TEX36: variants seen among roughly 807,000 people sequenced by gnomAD.
TEX36 encodes testis expressed 36, also known as testis-expressed protein 36.
TEX36 carries 12 observed loss-of-function variants against 13.6 expected under a neutral mutation model. The ratio of observed to expected loss-of-function variants is 0.88; its 90% CI spans 0.56 to 1.43. TEX36 has a LOEUF of 1.43. Among genes scored for constraint, TEX36 ranks in the 40% most tolerant of loss-of-function variants. The pLI is 0.00. For synonymous variants in TEX36, 93 were observed against 83.0 expected, an observed-to-expected ratio of 1.12 and a Z score of -0.65; for missense variants, 224 against 228.3, an observed-to-expected ratio of 0.98 and a Z score of 0.12.
At chr10:125,622,502 C>T (rs1846438515) in intron 3 of TEX36, among the ~76,000 whole-genome samples, 1 of 152,228 alleles carries the variant, frequency 6.6e-6, no homozygotes, top group African/African-American at 2.4e-5. Context: ...CCTTTGCCTT[C>T]AGCAAGTACC....
intron 1 of TEX36, among the ~76,000 whole-genome samples, chr10:125,682,704 G>A (rs1589794886): frequency 6.6e-6 from 1 of 152,190 alleles, no homozygotes; most frequent in African/African-American, 2.4e-5. Context: ...ACTGCTTAGT[G>A]GACATTCACG....
At chr10:125,606,544 C>T (rs957251566) in intron 3 of TEX36, among the ~76,000 whole-genome samples, 1 of 152,130 alleles carries the variant, frequency 6.6e-6, no homozygotes, top group Non-Finnish European at 1.5e-5. Context: ...ACAATATTAG[C>T]TGCTCTACCC....
At chr10:125,604,865 T>C (rs1051860762) in intron 3 of TEX36, among the ~76,000 whole-genome samples, 6 of 151,526 alleles carry the variant, frequency 4.0e-5, no homozygotes, top group Non-Finnish European at 7.4e-5. Context: ...CTGTCTCCTA[T>C]TACCCCCAGA....
chr10:125,603,396 T>C (rs939643748), intron 3 of TEX36, among the ~76,000 whole-genome samples: 7 of 152,082 alleles, frequency 4.6e-5, no homozygotes, highest in African/African-American at 1.4e-4. Flanking sequence ...TCTGCACCTC[T>C]TAGTGGTCCC....
At chr10:125,587,341 GT>G (rs1459502825) in intron 3 of TEX36, among the ~76,000 whole-genome samples, 1 of 152,062 alleles carries the variant, frequency 6.6e-6, no homozygotes, top group Non-Finnish European at 1.5e-5. Flanking sequence ...AGCGTTTTAT[GT>G]TTTGTATTAT....
At chr10:125,680,574 G>A (rs1417258345) in intron 1 of TEX36, among the ~76,000 whole-genome samples, 1 of 152,076 alleles carries the variant, frequency 6.6e-6, no homozygotes, top group Non-Finnish European at 1.5e-5. Flanking sequence ...TTTCCTACCT[G>A]GCAATAGCTA....
intron 3 of TEX36, among the ~76,000 whole-genome samples, chr10:125,610,771 T>C (rs1252228294): frequency 6.6e-6 from 1 of 152,242 alleles, no homozygotes; most frequent in Non-Finnish European, 1.5e-5. Flanking sequence ...TATGATGCTA[T>C]ATTTTCTTCT....
At chr10:125,633,833 C>A (rs1026087234) in intron 3 of TEX36, among the ~76,000 whole-genome samples, 1 of 152,146 alleles carries the variant, frequency 6.6e-6, no homozygotes, top group Admixed American at 6.6e-5. Context: ...TAAATGGACA[C>A]GGTTCTACGT....
At chr10:125,582,825 A>G (rs923750340) in intron 3 of TEX36, among the ~76,000 whole-genome samples, 2 of 152,226 alleles carry the variant, frequency 1.3e-5, no homozygotes, top group Non-Finnish European at 2.9e-5. Context: ...GCATTTTAAT[A>G]ATGTCAATAT....
chr10:125,607,392 C>T (rs111722678), intron 3 of TEX36, among the ~76,000 whole-genome samples: 119 of 152,320 alleles, frequency 7.8e-4, no homozygotes, highest in African/African-American at 2.8e-3. Flanking sequence ...TGAAAGAGAA[C>T]AGACTGCCTG....
At position 125,626,868 on chromosome 10, in the gene TEX36, G is replaced by A. The variant is rs7922891; in HGVS notation, c.265-5223C>T. Among the ~76,000 whole-genome samples the A allele has an allele frequency of 8.1e-3, 1,232 of 152,290 alleles. 17 individuals are homozygous for A. The highest frequency in any genetic ancestry group is 0.028 in the African/African-American group (1,159 of 41,544). The stretch of plus-strand genomic sequence containing the variant: ...CCCGGGATGGCAGGAAGTCAGAGAC[G>A]TCTAATGGCCTTGCACTTCCCTCCA... On this transcript the variant is annotated intron_variant, in intron 3 of 3. Coordinates refer to the TEX36 transcript ENST00000526819.
At chr10:125,650,244 G>T (rs1163409668) in intron 3 of TEX36, among the ~76,000 whole-genome samples, 1 of 152,178 alleles carries the variant, frequency 6.6e-6, no homozygotes, top group Non-Finnish European at 1.5e-5. Context: ...CACATAGTTG[G>T]AAGTAAAGCA....
intron 3 of TEX36, among the ~76,000 whole-genome samples, chr10:125,602,464 G>C (rs1031600713): frequency 1.3e-5 from 2 of 152,116 alleles, no homozygotes; most frequent in African/African-American, 4.8e-5. Flanking sequence ...GCCCCGTCTC[G>C]TGCTGTTCCC....
At chr10:125,619,676 C>A (rs1846404322), downstream of TEX36, among the ~76,000 whole-genome samples, 1 of 151,950 alleles carries the variant, frequency 6.6e-6, no homozygotes, top group African/African-American at 2.4e-5. Flanking sequence ...CCTGCCTCAG[C>A]CTCCCGAGTA....
At chr10:125,677,258 G>A in intron 1 of TEX36, among the ~76,000 whole-genome samples, 1 of 152,154 alleles carries the variant, frequency 6.6e-6, no homozygotes, top group Non-Finnish European at 1.5e-5. Context: ...TCTGGACTTG[G>A]GAAGTTTTTA....
chr10:125,578,184 G>A (rs1396007031), intron 3 of TEX36: 1 of 152,342 alleles, frequency 6.6e-6, no homozygotes, highest in African/African-American at 2.4e-5. Flanking sequence ...CGATAACAGG[G>A]TTTTCTAAAA....
At chr10:125,650,860 T>C (rs978567820), downstream of TEX36, among the ~76,000 whole-genome samples, 9 of 152,124 alleles carry the variant, frequency 5.9e-5, no homozygotes, top group Admixed American at 5.2e-4. Context: ...CAGAGAATAC[T>C]ATAAACATAT....
chr10:125,667,867 CT>C, intron 1 of TEX36: 1 of 1,519,090 alleles, frequency 6.6e-7, no homozygotes, highest in Non-Finnish European at 9.1e-7. Context: ...CCAGGATGCC[CT>C]TGCCCAGTGC....
intron 3 of TEX36, among the ~76,000 whole-genome samples, chr10:125,595,287 C>A (rs979394969): frequency 1.4e-5 from 2 of 146,488 alleles, no homozygotes; most frequent in Non-Finnish European, 2.9e-5. Context: ...ATAAAAATCA[C>A]CCCCCCACCA....
Sources: allele counts gnomAD v4.1 joint callset (sites outside exome capture counted in the v4.1 genomes callset), GRCh38; gene constraint gnomAD v4.1.1; transcripts MANE v1.5; gene names NCBI Gene and HGNC (gene_info 2026-07-23, HGNC 2026-07-21).